VPS13A: variants seen among roughly 807,000 people sequenced by gnomAD.
VPS13A encodes the protein intermembrane lipid transfer protein VPS13A.
In VPS13A, 264 loss-of-function variants were observed where a neutral mutation model predicts 390.9. The ratio of observed to expected loss-of-function variants is 0.68; its 90% CI spans 0.61 to 0.75. The LOEUF is 0.75. Among genes scored for constraint, VPS13A ranks in the 30% least tolerant of loss-of-function variants. VPS13A has a pLI of 0.00. For missense variants in VPS13A, 3,409 were observed against 3,733.9 expected (o/e 0.91, Z 2.27); for synonymous variants, 1,231 against 1,227.1 (o/e 1.00, Z -0.07).
At chr9:77,409,123 A>G (rs1834777883) in intron 71 of VPS13A, among the ~76,000 whole-genome samples, 1 of 152,228 alleles carries the variant, frequency 6.6e-6, no homozygotes, top group African/African-American at 2.4e-5. Flanking sequence ...TCAGGCAGCA[A>G]CATCTGCTGT....
Position 77,340,235 on chromosome 9 carries a change from G to GTAACT in VPS13A, c.6832_6833insTAACT (p.Gly2278ValfsTer13), listed in dbSNP as rs762980267. ...CAATCAGTTTTCAATTGATACTGTT[G>GTAACT]GTAGTCATGGAGCTGTTAAATGTAA... On this transcript the variant is annotated frameshift_variant, in exon 49 of 72. Transcript: ENST00000360280. LOFTEE classifies it high-confidence loss of function. 1 of 1,613,116 alleles carries GTAACT rather than the reference G, an allele frequency of 6.2e-7. No individual in the cohort carries two copies. Among genetic ancestry groups the GTAACT allele is most frequent in the African/African-American group, 1.3e-5 (1 of 74,836 alleles).
intron 19 of VPS13A, among the ~76,000 whole-genome samples, chr9:77,240,478 G>GT (rs11351060): frequency 0.06 from 7,493 of 125,834 alleles, 338 homozygotes; most frequent in Non-Finnish European, 0.085. Flanking sequence ...TTATGTTTTT[G>GT]TTTTTTTTTT....
intron 31 of VPS13A, among the ~76,000 whole-genome samples, chr9:77,286,173 C>CT (rs1827310543): frequency 1.3e-5 from 2 of 152,066 alleles, no homozygotes; most frequent in Non-Finnish European, 1.5e-5. Flanking sequence ...ATGTTAGAAG[C>CT]TATTTGTTGT....
intron 71 of VPS13A, among the ~76,000 whole-genome samples, chr9:77,411,122 G>A (rs1834898880): frequency 6.6e-6 from 1 of 152,098 alleles, no homozygotes; most frequent in African/African-American, 2.4e-5. Flanking sequence ...CTAGAACTCA[G>A]GATTAAGAAA....
At chr9:77,209,060 T>C (rs1351009250) in intron 5 of VPS13A, among the ~76,000 whole-genome samples, 3 of 152,226 alleles carry the variant, frequency 2.0e-5, no homozygotes, top group African/African-American at 7.2e-5. Context: ...GTATCACTAA[T>C]TTTGAGAGAG....
In VPS13A at chr9:77,323,232, G is replaced by A; in HGVS notation, c.5991+5G>A. On this transcript the variant is annotated splice_donor_5th_base_variant and intron_variant, in intron 45 of 71. Transcript: ENST00000360280. ...ACAATTCGCTCCCCAGTGCAGGTAT[G>A]AAATGATCAATTTTGGGGGATGTCC... 1 of 1,612,802 alleles carries A rather than the reference G, an allele frequency of 6.2e-7. No homozygotes were observed.
chr9:77,298,573 C>A (rs1828148160), intron 33 of VPS13A, among the ~76,000 whole-genome samples: 2 of 152,074 alleles, frequency 1.3e-5, no homozygotes, highest in Middle Eastern at 3.4e-3. Flanking sequence ...TGGAATCCAA[C>A]AGTCAGTTGG....
At chr9:77,280,323 A>G (rs763605950) in intron 27 of VPS13A, 85 bp downstream of exon 27, 49 of 1,143,526 alleles carry the variant, frequency 4.3e-5, no homozygotes, top group Non-Finnish European at 6.4e-5. Context: ...TATTCAGTTT[A>G]TTTAATCTTC....
Position 77,220,084 on chromosome 9 carries a change from G to T in VPS13A, c.882+3G>T. On this transcript the variant is annotated splice_donor_region_variant and intron_variant, in intron 11 of 71. Coordinates refer to ENST00000360280, the MANE Select transcript of VPS13A (RefSeq NM_033305.3). Reference sequence around the variant, plus strand: ...CAATTGAATTTAATAAACCACAGGTGATTTTCTTTAATATAATTTTCAATT... The same window carrying T: ...CAATTGAATTTAATAAACCACAGGTTATTTTCTTTAATATAATTTTCAATT... The T allele has an allele frequency of 6.2e-7, 1 of 1,602,066 alleles. No individual in the cohort carries two copies. Among genetic ancestry groups the T allele is most frequent in the South Asian group, 1.1e-5 (1 of 89,662 alleles).
chr9:77,274,234 T>G (rs1826509095), intron 24 of VPS13A, among the ~76,000 whole-genome samples: 1 of 152,040 alleles, frequency 6.6e-6, no homozygotes. Flanking sequence ...TCGAGACCAT[T>G]CTGGCCAACA....
At chr9:77,409,202 C>G (rs979502352) in intron 71 of VPS13A, among the ~76,000 whole-genome samples, 2 of 152,244 alleles carry the variant, frequency 1.3e-5, no homozygotes, top group African/African-American at 4.8e-5. Context: ...AGTGGACCTC[C>G]AGCAAACTCC....
chr9:77,190,431 A>G (rs1484581780), intron 1 of VPS13A, among the ~76,000 whole-genome samples: 1 of 152,208 alleles, frequency 6.6e-6, no homozygotes, highest in African/African-American at 2.4e-5. Context: ...GCATACCAGG[A>G]ATAAAGTCTA....
chr9:77,344,719 A>G (rs1439376590), intron 51 of VPS13A, among the ~76,000 whole-genome samples: 1 of 151,798 alleles, frequency 6.6e-6, no homozygotes, highest in Non-Finnish European at 1.5e-5. Context: ...AGATCGCGCC[A>G]CTGCACTCCA....
At chr9:77,273,214 C>A in intron 23 of VPS13A, 66 bp from the exon 24 acceptor site, 2 of 1,253,988 alleles carry the variant, frequency 1.6e-6, no homozygotes, top group African/African-American at 1.5e-5. Flanking sequence ...TTTGAATAAA[C>A]ATTTTTTGAA....
rs200685101 is a variant in VPS13A, at chr9:77,218,644, CTTTTTT to C, written c.755-1299_755-1294del. On this transcript the variant is annotated intron_variant, in intron 10 of 71. Transcript: ENST00000360280. Reference sequence around the variant, plus strand: ...GGTTCTCATACTTTGAGAACATTGCCTTTTTTTTTTTTTTTTGGAAAGGGACATGTA... The same window carrying C: ...GGTTCTCATACTTTGAGAACATTGCCTTTTTTTTTTGGAAAGGGACATGTA... Among the ~76,000 whole-genome samples, 6 of 132,108 alleles carry C rather than the reference CTTTTTT, an allele frequency of 4.5e-5. No homozygotes were observed. In the Middle Eastern group the frequency reaches 0.016, roughly 352 times the overall value. 86.7% of individuals were successfully genotyped at this position (132,108 alleles called of 152,430 possible).
intron 19 of VPS13A, among the ~76,000 whole-genome samples, chr9:77,246,473 T>G (rs1205999464): frequency 1.3e-5 from 2 of 152,150 alleles, no homozygotes; most frequent in Non-Finnish European, 2.9e-5. Context: ...ATTTTGTGTG[T>G]GTGTGTGTGT....
chr9:77,370,218 T>C (rs368676261), intron 63 of VPS13A, 39 bp from the exon 64 acceptor site: 1 of 1,595,476 alleles, frequency 6.3e-7, no homozygotes, highest in African/African-American at 1.3e-5. Context: ...AAAGTGAATA[T>C]AACTCACTCA....
intron 68 of VPS13A, among the ~76,000 whole-genome samples, chr9:77,396,826 G>A (rs1331645156): frequency 6.6e-6 from 1 of 152,034 alleles, no homozygotes; most frequent in African/African-American, 2.4e-5. Flanking sequence ...AATTTTGTTG[G>A]TTTTAGAAAT....
chr9:77,205,885 C>T (rs1432220588), intron 4 of VPS13A, 93 bp from the exon 5 acceptor site: 43 of 1,005,974 alleles, frequency 4.3e-5, no homozygotes, highest in African/African-American at 2.0e-4. Flanking sequence ...CCACCGCGCC[C>T]GGCCAATTAA....
Sources: allele counts gnomAD v4.1 joint callset (sites outside exome capture counted in the v4.1 genomes callset), GRCh38; gene constraint gnomAD v4.1.1; transcripts MANE v1.5; gene names NCBI Gene and HGNC (gene_info 2026-07-23, HGNC 2026-07-21).